The following SMOC1 variants were observed in gnomAD, a reference collection of about 807,000 sequenced individuals.
SMOC1 encodes the protein SPARC-related modular calcium-binding protein 1.
Under a neutral mutation model 56.3 loss-of-function variants are expected in SMOC1, and 22 were observed. The observed-to-expected ratio is 0.39, with a 90% CI of 0.28 to 0.56. The LOEUF (loss-of-function observed/expected upper bound fraction) is 0.56, where lower values mean the gene tolerates loss of function less well. Ranked by LOEUF, SMOC1 falls within the 20% of genes least tolerant of loss-of-function variation. The probability of loss-of-function intolerance (pLI) is 0.61; values close to 1 mark genes in which losing one functional copy is unlikely to be tolerated. For synonymous variants in SMOC1, 193 were observed against 215.0 expected (o/e 0.90, Z 0.89); for missense variants, 509 against 565.4 (o/e 0.90, Z 1.01).
intron 1 of SMOC1, among the ~76,000 whole-genome samples, chr14:69,951,264 C>T (rs1882987243): frequency 6.6e-6 from 1 of 152,144 alleles, no homozygotes; most frequent in Non-Finnish European, 1.5e-5. Context: ...ACACCACTCC[C>T]ATAGTATTTT....
chr14:69,979,495 G>C (rs1010565637), intron 5 of SMOC1, among the ~76,000 whole-genome samples: 1 of 152,190 alleles, frequency 6.6e-6, no homozygotes, highest in African/African-American at 2.4e-5. Context: ...GTGGGAAAGT[G>C]GGGAGAGAAT....
At chr14:69,931,197 CCT>C (rs1885155700) in intron 1 of SMOC1, among the ~76,000 whole-genome samples, 1 of 152,246 alleles carries the variant, frequency 6.6e-6, no homozygotes. Flanking sequence ...ATGGGCGTCT[CCT>C]CTGTCTCCTG....
chr14:69,903,311 C>T (rs370315782), intron 1 of SMOC1, among the ~76,000 whole-genome samples: 3 of 151,796 alleles, frequency 2.0e-5, no homozygotes, highest in Non-Finnish European at 4.4e-5. Context: ...CCGGCTGCCC[C>T]GTCTGAGAAC....
intron 10 of SMOC1, among the ~76,000 whole-genome samples, chr14:70,020,070 T>A (rs889772873): frequency 6.6e-6 from 1 of 152,162 alleles, no homozygotes; most frequent in African/African-American, 2.4e-5. Flanking sequence ...TCTTTAAGCA[T>A]CATGCTTAAA....
intron 1 of SMOC1, among the ~76,000 whole-genome samples, chr14:69,900,659 C>A (rs1884220383): frequency 6.6e-6 from 1 of 152,204 alleles, no homozygotes; most frequent in African/African-American, 2.4e-5. Flanking sequence ...GGTGTTTACT[C>A]ACAGCTTAAT....
At chr14:69,941,541 CCTCCT>C (rs1167796754) in intron 1 of SMOC1, among the ~76,000 whole-genome samples, 1 of 152,206 alleles carries the variant, frequency 6.6e-6, no homozygotes, top group Non-Finnish European at 1.5e-5. Flanking sequence ...AGCTTAGTAA[CCTCCT>C]AAGTGTCTTC....
chr14:69,884,016 C>T (rs948302476), intron 1 of SMOC1, among the ~76,000 whole-genome samples: 2 of 146,416 alleles, frequency 1.4e-5, no homozygotes, highest in African/African-American at 5.0e-5. Flanking sequence ...ACGCCATTCT[C>T]CTGCCTCAGC....
At chr14:69,978,095 A>C in intron 5 of SMOC1, 130 bp downstream of exon 5, 1 of 798,596 alleles carries the variant, frequency 1.3e-6, no homozygotes, top group Non-Finnish European at 2.2e-6. Flanking sequence ...CTCCATTCTT[A>C]TTCCATGTTT....
At chr14:69,958,584 G>T (rs1299882365) in intron 3 of SMOC1, among the ~76,000 whole-genome samples, 1 of 152,196 alleles carries the variant, frequency 6.6e-6, no homozygotes, top group African/African-American at 2.4e-5. Flanking sequence ...CCCTTCTATT[G>T]CAGTTTGGAA....
chr14:69,906,836 G>A (rs1884421809), intron 1 of SMOC1, among the ~76,000 whole-genome samples: 1 of 152,202 alleles, frequency 6.6e-6, no homozygotes, highest in South Asian at 2.1e-4. Context: ...CCATGAAAGA[G>A]AGGAATGGAA....
intron 10 of SMOC1, among the ~76,000 whole-genome samples, chr14:70,019,265 A>G (rs1885628496): frequency 1.3e-5 from 2 of 152,238 alleles, no homozygotes; most frequent in Non-Finnish European, 2.9e-5. Context: ...GCCCAGAGGT[A>G]GGGCAGACAC....
chr14:69,972,626 G>A (rs970542519), intron 3 of SMOC1, among the ~76,000 whole-genome samples: 1 of 152,086 alleles, frequency 6.6e-6, no homozygotes, highest in African/African-American at 2.4e-5. Context: ...GCTGTGTTTG[G>A]GCCTCTGGGC....
intron 2 of SMOC1, 101 bp downstream of exon 2, chr14:69,952,404 C>A: frequency 7.1e-7 from 1 of 1,416,430 alleles, no homozygotes; most frequent in Non-Finnish European, 9.8e-7. Context: ...AGTCTGTCCA[C>A]TCACTTTGCT....
At position 69,905,064 on chromosome 14, in the gene SMOC1, A is replaced by C. The variant is rs183133303; in HGVS notation, c.99+25287A>C. On this transcript the variant is annotated intron_variant, in intron 1 of 11. Transcript: ENST00000361956. ...GCATTCCTTTCAAATACAGACTCAT[A>C]TCGTGATGGTGGTCAGAATGGTGAT... is the stretch of plus-strand genomic sequence containing the variant. Among the ~76,000 whole-genome samples, 5 of 152,310 alleles carry C rather than the reference A, an allele frequency of 3.3e-5. No individual in the cohort carries two copies. In the East Asian group the frequency reaches 9.7e-4, roughly 29 times the overall value.
At chr14:70,023,649 G>T (rs1273580347) in intron 11 of SMOC1, among the ~76,000 whole-genome samples, 1 of 152,202 alleles carries the variant, frequency 6.6e-6, no homozygotes, top group Non-Finnish European at 1.5e-5. Context: ...AGAAGACAGA[G>T]CTTAAATAAG....
At chr14:69,979,003 G>A (rs1452397508) in intron 5 of SMOC1, among the ~76,000 whole-genome samples, 2 of 151,802 alleles carry the variant, frequency 1.3e-5, no homozygotes, top group Non-Finnish European at 2.9e-5. Flanking sequence ...ATTTCATCTC[G>A]TGTGCAGCCT....
chr14:69,888,205 G>A (rs1450078713), intron 1 of SMOC1, among the ~76,000 whole-genome samples: 2 of 152,262 alleles, frequency 1.3e-5, no homozygotes, highest in South Asian at 2.1e-4. Context: ...CTCTGCATGG[G>A]TCATGAGTCA....
intron 5 of SMOC1, among the ~76,000 whole-genome samples, chr14:69,990,359 A>T (rs1443490567): frequency 6.6e-6 from 1 of 152,214 alleles, no homozygotes; most frequent in African/African-American, 2.4e-5. Context: ...ATATTAAAAT[A>T]TTACATAAGC....
chr14:70,021,288 T>C (rs72728002), intron 10 of SMOC1, among the ~76,000 whole-genome samples: 29,631 of 152,084 alleles, frequency 0.19, 3,753 homozygotes, highest in East Asian at 0.41. Flanking sequence ...CCTGCACCAA[T>C]AGAATTCCAA....
Sources: allele counts gnomAD v4.1 joint callset (sites outside exome capture counted in the v4.1 genomes callset), GRCh38; gene constraint gnomAD v4.1.1; transcripts MANE v1.5; gene names NCBI Gene and HGNC (gene_info 2026-07-23, HGNC 2026-07-21).